Variants in ENTPD5 observed in about 807,000 individuals in gnomAD.
ENTPD5 encodes ectonucleoside triphosphate diphosphohydrolase 5 (inactive).
In ENTPD5, 49 loss-of-function variants were observed where a neutral mutation model predicts 60.2. The ratio of observed to expected loss-of-function variants is 0.81; its 90% CI spans 0.65 to 1.03. The LOEUF (loss-of-function observed/expected upper bound fraction) is 1.03, where lower values mean the gene tolerates loss of function less well. Ranked by LOEUF, ENTPD5 falls within the 50% of genes least tolerant of loss-of-function variation. The pLI, the probability that ENTPD5 is intolerant of heterozygous loss-of-function variation, is 0.00. For synonymous variants in ENTPD5, 187 were observed against 185.4 expected (o/e 1.01, Z -0.07); for missense variants, 480 against 507.6 (o/e 0.95, Z 0.52).
chr14:74,005,421 A>C, intron 3 of ENTPD5, among the ~76,000 whole-genome samples: 1 of 147,428 alleles, frequency 6.8e-6, no homozygotes, highest in Non-Finnish European at 1.5e-5. Flanking sequence ...GATTGCTCTC[A>C]AACTCCTGGC....
chr14:73,961,990 C>T, downstream of ENTPD5: 3 of 1,490,302 alleles, frequency 2.0e-6, no homozygotes, highest in South Asian at 2.3e-5. Context: ...TCTTATCGCC[C>T]AGGATGGAGT....
intron 3 of ENTPD5, among the ~76,000 whole-genome samples, chr14:73,993,540 T>G (rs1050052236): frequency 1.3e-5 from 2 of 152,192 alleles, no homozygotes; most frequent in Non-Finnish European, 2.9e-5. Context: ...AATCAACCAC[T>G]GATACAGGAT....
At chr14:74,004,414 T>C (rs1594943660) in intron 3 of ENTPD5, among the ~76,000 whole-genome samples, 2 of 152,292 alleles carry the variant, frequency 1.3e-5, no homozygotes, top group Admixed American at 1.3e-4. Context: ...CCACCTGCGT[T>C]GGCCTCCCAA....
chr14:73,999,550 C>T (rs183407814), intron 3 of ENTPD5, among the ~76,000 whole-genome samples: 1,565 of 152,102 alleles, frequency 0.01, 49 homozygotes, highest in African/African-American at 0.036. Flanking sequence ...AATCCCAGCA[C>T]TTTGGGAGGC....
chr14:73,999,893 GC>G (rs2058454408), intron 3 of ENTPD5, among the ~76,000 whole-genome samples: 1 of 151,654 alleles, frequency 6.6e-6, no homozygotes, highest in South Asian at 2.1e-4. Context: ...TTCCAGACCA[GC>G]CTGACCAACA....
chr14:73,988,546 C>T (rs2058001705), intron 3 of ENTPD5, among the ~76,000 whole-genome samples: 1 of 152,190 alleles, frequency 6.6e-6, no homozygotes, highest in Non-Finnish European at 1.5e-5. Flanking sequence ...CTTCTAGCTA[C>T]TTTGAAATAC....
At chr14:74,017,612 C>T (rs987508227) in intron 1 of ENTPD5, among the ~76,000 whole-genome samples, 6 of 148,810 alleles carry the variant, frequency 4.0e-5, no homozygotes, top group Admixed American at 1.4e-4. Flanking sequence ...CAGCCGGGGG[C>T]GGTGGCTCAT....
At position 73,988,063 on chromosome 14, in the gene ENTPD5, C is replaced by T. The variant is rs750339795; in HGVS notation, c.40G>A (p.Val14Ile). 17 of 1,613,368 alleles carry T rather than the reference C, an allele frequency of 1.1e-5. No homozygotes were observed. Among genetic ancestry groups the T allele is most frequent in the Non-Finnish European group, 1.4e-5 (17 of 1,179,908 alleles). ...SWGTVFFMLV[V>I]SCVCSAVSHR... ...GAGACAGCGCTGCAAACACAGGATA[C>T]CACCAGCATGAAAAAGACTGTGCCC... is the stretch of plus-strand genomic sequence containing the variant. Residue 14 changes from valine (V) to isoleucine (I), a missense_variant, in exon 4 of 16, where the codon GTA becomes ATA. Physicochemically the swap from Val to Ile is conservative, Grantham distance 29 (BLOSUM62 3). Coordinates refer to ENST00000334696, the MANE Select transcript of ENTPD5 (RefSeq NM_001249.5).
Position 73,966,990 on chromosome 14 carries a change from C to CT in ENTPD5, c.1224dup (p.Glu409ArgfsTer69), listed in dbSNP as rs1381738301. 2 of 1,614,106 alleles carry CT rather than the reference C, an allele frequency of 1.2e-6. No homozygotes were observed. The highest frequency in any genetic ancestry group is 1.7e-6 in the Non-Finnish European group (2 of 1,180,018). On this transcript the variant is annotated frameshift_variant, in exon 16 of 16. Coordinates refer to ENST00000334696, the MANE Select transcript of ENTPD5 (RefSeq NM_001249.5). LOFTEE classifies it high-confidence loss of function. ...GTGGCCCCCAAGGCCCAGCCCGTCT[C>CT]TATGTTGTTCACTTTCTTTGTGAGC... is the stretch of plus-strand genomic sequence containing the variant.
At chr14:74,012,052 C>G (rs1200313760) in intron 2 of ENTPD5, among the ~76,000 whole-genome samples, 1 of 152,166 alleles carries the variant, frequency 6.6e-6, no homozygotes, top group East Asian at 1.9e-4. Context: ...TTGACTCACG[C>G]AACCCATGTT....
Position 73,977,035 on chromosome 14 carries a change from T to C in ENTPD5, c.542A>G (p.Asn181Ser). 6.2e-7 allele frequency: 1 copy of C among 1,613,326 alleles called. No homozygotes were observed. Among genetic ancestry groups the C allele is most frequent in the South Asian group, 1.1e-5 (1 of 90,946 alleles). The stretch of plus-strand genomic sequence containing the variant: ...TGAGGATGTATTACCTGTCAGAAAA[T>C]TCACAGTAACCCAAGCTAATATGCC... ...DEGILAWVTV[N>S]FLTGQLHGHR... The change falls in exon 8 of 16, where the codon AAT becomes AGT. Residue 181 changes from asparagine to serine, a missense_variant. Coordinates refer to ENST00000334696, the MANE Select transcript of ENTPD5 (RefSeq NM_001249.5).
At chr14:74,005,494 C>A (rs73301493) in intron 3 of ENTPD5, among the ~76,000 whole-genome samples, 11,958 of 151,938 alleles carry the variant, frequency 0.079, 615 homozygotes, top group South Asian at 0.26. Context: ...GCCATCACAT[C>A]GGCTGCTATT....
downstream of ENTPD5, chr14:73,959,490 GA>G: frequency 6.2e-7 from 1 of 1,614,140 alleles, no homozygotes; most frequent in Non-Finnish European, 8.5e-7. Flanking sequence ...CATGGATGAG[GA>G]AAAATTTGTG....
downstream of ENTPD5, chr14:73,960,871 G>T (rs765096163): frequency 2.3e-5 from 11 of 470,634 alleles, no homozygotes; most frequent in Non-Finnish European, 4.3e-5. Flanking sequence ...GAGGTAGAAG[G>T]ATACTGTGTG....
chr14:74,011,155 G>A lies in ENTPD5; in HGVS notation c.-130-5C>T, dbSNP rs999660901. ...TTATTATATCACTTTTTCAACCTGTGTAAGATGGACATGAATAATTATAAG... is the reference window on the plus strand; with the variant it reads ...TTATTATATCACTTTTTCAACCTGTATAAGATGGACATGAATAATTATAAG... On this transcript the variant is annotated splice_region_variant and splice_polypyrimidine_tract_variant and intron_variant, in intron 2 of 15. Coordinates refer to ENST00000334696, the MANE Select transcript of ENTPD5 (RefSeq NM_001249.5). 1.2e-6 allele frequency: 1 copy of A among 866,624 alleles called. No homozygotes were observed. Among genetic ancestry groups the A allele is most frequent in the African/African-American group, 1.8e-5 (1 of 54,896 alleles). 53.7% of individuals were successfully genotyped at this position (866,624 alleles called of 1,614,324 possible).
chr14:73,962,154 G>A (rs1432810630), downstream of ENTPD5, among the ~76,000 whole-genome samples: 3 of 151,830 alleles, frequency 2.0e-5, 1 homozygote, highest in Admixed American at 2.0e-4. Context: ...CACCATGTTG[G>A]CCAAGCTGGT....
intron 5 of ENTPD5, among the ~76,000 whole-genome samples, chr14:73,984,415 G>A (rs1307843016): frequency 6.6e-6 from 1 of 152,196 alleles, no homozygotes; most frequent in African/African-American, 2.4e-5. Context: ...CACACAAGCT[G>A]TGGCAGTAAT....
intron 14 of ENTPD5, among the ~76,000 whole-genome samples, chr14:73,971,103 A>T (rs1417043740): frequency 6.6e-6 from 1 of 152,032 alleles, no homozygotes; most frequent in Non-Finnish European, 1.5e-5. Flanking sequence ...AAAGAAAGCA[A>T]GAAATGTAGA....
Position 73,986,590 on chromosome 14 carries a change from T to G in ENTPD5, c.297+224A>C, listed in dbSNP as rs764355141. ...GGGAGTAATCTCTTAAAAGCTAGTG[T>G]CATCCTTGCATTACCACAACCAATT... On this transcript the variant is annotated intron_variant, in intron 5 of 15. Transcript: ENST00000334696. The G allele has an allele frequency of 3.2e-5, 17 of 539,446 alleles. No individual in the cohort carries two copies. The East Asian group carries it at 3.7e-4, about 12-fold the overall frequency. The allele number at this position is 539,446 out of a possible 1,614,324, so 33.4% of individuals were successfully genotyped here.
Sources: gnomAD v4.1 joint callset for allele counts (sites outside exome capture counted in the v4.1 genomes callset) on GRCh38, gnomAD v4.1.1 for gene constraint, MANE v1.5 for transcripts, NCBI Gene and HGNC (gene_info 2026-07-23, HGNC 2026-07-21) for gene names.